CHURC1: variants seen among roughly 807,000 people sequenced by gnomAD.
CHURC1 encodes protein Churchill.
A neutral mutation model predicts 15.4 loss-of-function variants in CHURC1; 12 were observed. That is an observed-to-expected ratio of 0.78 (90% CI 0.50 to 1.27). The LOEUF (loss-of-function observed/expected upper bound fraction) is 1.27. Ranked by LOEUF, CHURC1 falls within the 50% of genes most tolerant of loss-of-function variation. The pLI, the probability that CHURC1 is intolerant of heterozygous loss-of-function variation, is 0.00. For synonymous variants in CHURC1, 42 were observed against 47.5 expected (o/e 0.88, Z 0.48); for missense variants, 132 against 137.8 (o/e 0.96, Z 0.21).
intron 3 of CHURC1, among the ~76,000 whole-genome samples, chr14:64,930,140 CTTACTCAGAGGTAA>C (rs1566831766): frequency 6.6e-6 from 1 of 151,764 alleles, no homozygotes; most frequent in East Asian, 1.9e-4. Context: ...AAGATCTGGT[CTTACTCAGAGGTAA>C]TTCCGCCCAC....
In CHURC1 at chr14:64,934,171, C is replaced by T. The variant is rs750351990; in HGVS notation, c.*1941C>T. Reference sequence around the variant, plus strand: ...CAGCCGGGCCAACATGGTGCAACCTCGTCTTTACTAAAAATACAAAAACAA... The same window carrying T: ...CAGCCGGGCCAACATGGTGCAACCTTGTCTTTACTAAAAATACAAAAACAA... On this transcript the variant is annotated 3_prime_UTR_variant, in exon 4 of 4. Transcript: ENST00000549115. 3.7e-6 allele frequency: 2 copies of T among 535,884 alleles called. No individual in the cohort carries two copies. The highest frequency in any genetic ancestry group is 2.1e-5 in the African/African-American group (1 of 48,156). The allele number at this position is 535,884 out of a possible 1,614,324, so 33.2% of individuals were successfully genotyped here.
intron 3 of CHURC1, 66 bp from the exon 4 acceptor site, chr14:64,932,072 A>G (rs561676031): frequency 1.9e-6 from 3 of 1,559,464 alleles, no homozygotes; most frequent in Non-Finnish European, 2.6e-6. Context: ...CATCTTAACT[A>G]GAGTAAGTTA....
In CHURC1 at chr14:64,932,302, A is replaced by C; in HGVS notation, c.*72A>C. Reference sequence around the variant, plus strand: ...TACAGCAAGCCTGATGGTTTGTCTTATTTCATTCATACTGAAAATTCTTTG... The same window carrying C: ...TACAGCAAGCCTGATGGTTTGTCTTCTTTCATTCATACTGAAAATTCTTTG... On this transcript the variant is annotated 3_prime_UTR_variant, in exon 4 of 4. Transcript: ENST00000549115. 1 of 1,557,892 alleles carries C rather than the reference A, an allele frequency of 6.4e-7. No homozygotes were observed. Among genetic ancestry groups the C allele is most frequent in the Non-Finnish European group, 8.7e-7 (1 of 1,148,962 alleles).
At chr14:64,917,979 T>C (rs1455015601) in intron 1 of CHURC1, among the ~76,000 whole-genome samples, 1 of 152,212 alleles carries the variant, frequency 6.6e-6, no homozygotes, top group Non-Finnish European at 1.5e-5. Context: ...GCAGTTTGGG[T>C]ACAACTATGT....
chr14:64,923,827 T>A (rs1281849688), intron 1 of CHURC1, among the ~76,000 whole-genome samples, 164 bp from the exon 2 acceptor site: 1 of 151,288 alleles, frequency 6.6e-6, no homozygotes, highest in Non-Finnish European at 1.5e-5. Context: ...TAACACTTCT[T>A]TAGGAAAGCT....
At chr14:64,925,744 A>T (rs1433000425) in intron 2 of CHURC1, among the ~76,000 whole-genome samples, 1 of 151,756 alleles carries the variant, frequency 6.6e-6, no homozygotes, top group Non-Finnish European at 1.5e-5. Context: ...GTTTAAAAAT[A>T]CACTTAAATA....
intron 2 of CHURC1, among the ~76,000 whole-genome samples, chr14:64,925,552 G>C (rs527639157): frequency 1.3e-5 from 2 of 152,004 alleles, no homozygotes; most frequent in South Asian, 4.1e-4. Context: ...CACATGTCTT[G>C]AGCCTCTCCT....
At chr14:64,922,755 C>T (rs1393301191) in intron 1 of CHURC1, among the ~76,000 whole-genome samples, 1 of 141,984 alleles carries the variant, frequency 7.0e-6, no homozygotes. Context: ...TTCCTCAATA[C>T]ATAGAAGGGA....
chr14:64,934,372 C>A lies in CHURC1; in HGVS notation c.*2142C>A. 1.1e-6 allele frequency: 1 copy of A among 945,034 alleles called. No individual in the cohort carries two copies. The highest frequency in any genetic ancestry group is 1.3e-6 in the Non-Finnish European group (1 of 793,422). The allele number at this position is 945,034 out of a possible 1,614,324, so 58.5% of individuals were successfully genotyped here. A position where few individuals can be genotyped will look rare whatever the true frequency, so the allele number is the denominator to read the frequency against. ...CAAAAACAAAAACAAAACAAAACAACAACAAAAAAAGAAGTTAAATAACTT... is the reference window on the plus strand; with the variant it reads ...CAAAAACAAAAACAAAACAAAACAAAAACAAAAAAAGAAGTTAAATAACTT... On this transcript the variant is annotated 3_prime_UTR_variant, in exon 4 of 4. Coordinates refer to ENST00000549115, the MANE Select transcript of CHURC1 (RefSeq NM_001386928.1).
intron 1 of CHURC1, among the ~76,000 whole-genome samples, chr14:64,918,935 G>A (rs1377872685): frequency 6.6e-6 from 1 of 152,186 alleles, no homozygotes; most frequent in African/African-American, 2.4e-5. Flanking sequence ...AAAGTTGTTT[G>A]GAGTTTTGTC....
At chr14:64,915,424 GA>G (rs1883811284) in intron 1 of CHURC1, among the ~76,000 whole-genome samples, 1 of 152,230 alleles carries the variant, frequency 6.6e-6, no homozygotes, top group Non-Finnish European at 1.5e-5. Flanking sequence ...CAAGTTTAGG[GA>G]AAGGGGAGGG....
chr14:64,932,110 G>C (rs1204815118), intron 3 of CHURC1, 28 bp from the exon 4 acceptor site: 1 of 1,601,118 alleles, frequency 6.2e-7, no homozygotes, highest in Non-Finnish European at 8.5e-7. Context: ...TGTTCCTCTA[G>C]GTAATTATGC....
In CHURC1 at chr14:64,914,479, C is replaced by A. The variant is rs371644150; in HGVS notation, c.-17C>A. 12 of 1,614,156 alleles carry A rather than the reference C, an allele frequency of 7.4e-6. No homozygotes were observed. The highest frequency in any genetic ancestry group is 1.0e-5 in the Non-Finnish European group (12 of 1,180,048). ...TCCCGGAAGCGTTGGAGGACATTCC[C>A]TGTTGACTGCGTCGCGATGTGTGGC... On this transcript the variant is annotated 5_prime_UTR_variant, in exon 1 of 4. The change creates a new upstream start codon in the 5' untranslated region. Coordinates refer to ENST00000549115, the MANE Select transcript of CHURC1 (RefSeq NM_001386928.1).
intron 3 of CHURC1, among the ~76,000 whole-genome samples, chr14:64,929,367 C>A (rs1384517601): frequency 6.6e-6 from 1 of 152,164 alleles, no homozygotes; most frequent in East Asian, 1.9e-4. Context: ...TATGCATCTT[C>A]TCCCTTTTCT....
Position 64,933,299 on chromosome 14 carries a change from A to T in CHURC1, c.*1069A>T. ...ACATGGAATTATATACCACGAAAAG[A>T]AAAAAAGGTCATTTGGTAGAAACTA... is the stretch of plus-strand genomic sequence containing the variant. On this transcript the variant is annotated 3_prime_UTR_variant, in exon 4 of 4. Coordinates refer to ENST00000549115, the MANE Select transcript of CHURC1 (RefSeq NM_001386928.1). 2 of 892,254 alleles carry T rather than the reference A, an allele frequency of 2.2e-6. No individual in the cohort carries two copies. The highest frequency in any genetic ancestry group is 2.7e-6 in the Non-Finnish European group (2 of 744,786). 55.3% of individuals were successfully genotyped at this position (892,254 alleles called of 1,614,324 possible). A position where few individuals can be genotyped will look rare whatever the true frequency, so the allele number is the denominator to read the frequency against.
intron 1 of CHURC1, among the ~76,000 whole-genome samples, chr14:64,914,902 C>T (rs1391233387): frequency 1.3e-5 from 2 of 152,210 alleles, no homozygotes; most frequent in Admixed American, 6.5e-5. Flanking sequence ...CTGGAGGGGA[C>T]CTCTGTGGTC....
intron 1 of CHURC1, among the ~76,000 whole-genome samples, chr14:64,922,578 A>T (rs1884385460): frequency 2.0e-5 from 1 of 49,590 alleles, no homozygotes; most frequent in South Asian, 5.8e-4. Context: ...ACTCCGTCTC[A>T]AAAAAAAAAA....
At chr14:64,931,617 G>A (rs1885082253) in intron 3 of CHURC1, among the ~76,000 whole-genome samples, 1 of 152,008 alleles carries the variant, frequency 6.6e-6, no homozygotes, top group African/African-American at 2.4e-5. Context: ...CATTTATTAA[G>A]CCTGGGAAAC....
In CHURC1 at chr14:64,932,189, A is replaced by G. The variant is rs1468568516; in HGVS notation, c.298A>G (p.Ile100Val). ...LCGKAEDTISILPDDPRQMTL... is the reference protein window; with the variant it reads ...LCGKAEDTISVLPDDPRQMTL... ...CGGCAAAGCCGAAGATACTATCAGTATTCTCCCTGATGACCCCCGACAAAT... is the reference window on the plus strand; with the variant it reads ...CGGCAAAGCCGAAGATACTATCAGTGTTCTCCCTGATGACCCCCGACAAAT... The change falls in exon 4 of 4, where the codon ATT becomes GTT. Residue 100 changes from isoleucine to valine, a missense_variant. Transcript: ENST00000549115. 1 of 1,613,924 alleles carries G rather than the reference A, an allele frequency of 6.2e-7. No homozygotes were observed. The highest frequency in any genetic ancestry group is 1.3e-5 in the African/African-American group (1 of 74,948).
Sources: gnomAD v4.1 joint callset for allele counts (sites outside exome capture counted in the v4.1 genomes callset) on GRCh38, gnomAD v4.1.1 for gene constraint, MANE v1.5 for transcripts, NCBI Gene and HGNC (gene_info 2026-07-23, HGNC 2026-07-21) for gene names.